The following RBFOX1 variants were observed in gnomAD, a reference collection of about 807,000 sequenced individuals.
The protein encoded by RBFOX1 is RNA binding fox-1 homolog 1, also known as RNA binding protein fox-1 homolog 1.
In RBFOX1, 8 loss-of-function variants were observed where a neutral mutation model predicts 57.7. The ratio of observed to expected loss-of-function variants is 0.14; its 90% CI spans 0.08 to 0.25. The LOEUF (loss-of-function observed/expected upper bound fraction) is 0.25, where lower values mean the gene tolerates loss of function less well. RBFOX1 is among the 10% of genes least tolerant of loss of function. RBFOX1 has a pLI of 1.00. For missense variants in RBFOX1, 611 were observed against 548.5 expected, an observed-to-expected ratio of 1.11 and a Z score of -1.14; for synonymous variants, 326 against 222.4, an observed-to-expected ratio of 1.47 and a Z score of -4.15.
Position 6,065,194 on chromosome 16 carries a change from A to AT in RBFOX1, c.-127+45221dup, listed in dbSNP as rs71404575. On this transcript the variant is annotated intron_variant, in intron 1 of 15. Coordinates refer to ENST00000550418, the MANE Select transcript of RBFOX1 (RefSeq NM_018723.4). ...AGGTGTGTGCCACCATCACCGGCTA[A>AT]TTTTTTTTTTTTTTTTTTTCTGTAG... is the stretch of plus-strand genomic sequence containing the variant. Among the ~76,000 whole-genome samples the AT allele has an allele frequency of 4.6e-3, 592 of 128,190 alleles. 5 individuals carry two copies. The highest frequency in any genetic ancestry group is 0.011 in the African/African-American group (367 of 34,866). The allele number at this position is 128,190 out of a possible 152,430, so 84.1% of individuals were successfully genotyped here. A position where few individuals can be genotyped will look rare whatever the true frequency, so the allele number is the denominator to read the frequency against.
intron 14 of RBFOX1, among the ~76,000 whole-genome samples, chr16:7,677,274 T>G (rs1200131074): frequency 6.6e-6 from 1 of 152,120 alleles, no homozygotes; most frequent in African/African-American, 2.4e-5. Context: ...CCTTTCCTTT[T>G]TACAAGGTCT....
intron 3 of RBFOX1, among the ~76,000 whole-genome samples, chr16:6,922,316 C>G (rs1002655239): frequency 2.0e-5 from 3 of 152,010 alleles, no homozygotes; most frequent in Non-Finnish European, 2.9e-5. Flanking sequence ...TTTTCAGTTC[C>G]GAGTGTCCGG....
chr16:5,625,478 C>A (rs1369943197), intron 3 of RBFOX1, among the ~76,000 whole-genome samples: 1 of 152,258 alleles, frequency 6.6e-6, no homozygotes, highest in South Asian at 2.1e-4. Context: ...CTGCACCGTT[C>A]TTCATAACCA....
At chr16:7,118,701 G>T (rs1377035570) in intron 4 of RBFOX1, among the ~76,000 whole-genome samples, 1 of 152,286 alleles carries the variant, frequency 6.6e-6, no homozygotes, top group South Asian at 2.1e-4. Flanking sequence ...ATTAGTAAAG[G>T]CGTGAATGTT....
At chr16:5,478,273 C>A (rs759837962) in intron 2 of RBFOX1, among the ~76,000 whole-genome samples, 11 of 151,728 alleles carry the variant, frequency 7.2e-5, no homozygotes, top group African/African-American at 1.2e-4. Flanking sequence ...ATTGTCCGAT[C>A]CAAGCTGCCA....
At chr16:6,337,743 T>A (rs113651583) in intron 2 of RBFOX1, among the ~76,000 whole-genome samples, 6 of 146,432 alleles carry the variant, frequency 4.1e-5, no homozygotes, top group African/African-American at 1.6e-4. Context: ...GTAAAAAAAA[T>A]AAAAGTATTA....
chr16:7,047,162 T>G (rs1014476356), intron 3 of RBFOX1, among the ~76,000 whole-genome samples: 8 of 152,134 alleles, frequency 5.3e-5, no homozygotes, highest in Non-Finnish European at 7.3e-5. Context: ...TCTTCCTTTC[T>G]TGTTGTTTGA....
At chr16:7,509,241 T>A (rs1046389093) in intron 4 of RBFOX1, among the ~76,000 whole-genome samples, 5 of 152,224 alleles carry the variant, frequency 3.3e-5, no homozygotes, top group Non-Finnish European at 7.3e-5. Context: ...ATTGCGGTCA[T>A]CTTAGTATTT....
chr16:6,831,871 A>G (rs569154470), intron 3 of RBFOX1, among the ~76,000 whole-genome samples: 6 of 152,300 alleles, frequency 3.9e-5, no homozygotes, highest in African/African-American at 1.4e-4. Context: ...TCATTTATGC[A>G]GTGAAAGAAG....
Position 5,794,361 on chromosome 16 carries a change from CATT to C in RBFOX1, c.319-72936_319-72934del, listed in dbSNP as rs1192700028. 2.6e-5 allele frequency among the ~76,000 whole-genome samples: 4 copies of C among 152,122 alleles called. No homozygotes were observed. The South Asian group carries it at 6.2e-4, about 24-fold the overall frequency. ...TTACTAATTCCTCGTCCTCTTCCAT[CATT>C]ATTATCATCATTGCCTTCATCTCAT... On this transcript the variant is annotated intron_variant, in intron 3 of 19. Transcript: ENST00000641259.
chr16:6,788,034 CCAACA>C (rs2082258432), intron 3 of RBFOX1, among the ~76,000 whole-genome samples: 1 of 152,068 alleles, frequency 6.6e-6, no homozygotes, highest in African/African-American at 2.4e-5. Flanking sequence ...ACCAGCCAGA[CCAACA>C]TGGTGAAACC....
At chr16:5,622,278 T>C (rs953181492) in intron 3 of RBFOX1, among the ~76,000 whole-genome samples, 5 of 152,194 alleles carry the variant, frequency 3.3e-5, no homozygotes, top group Non-Finnish European at 5.9e-5. Context: ...GCTTGTTATA[T>C]CTTCTGTTTG....
In RBFOX1 at chr16:5,856,230, T is replaced by TATATATACAC. The variant is rs1555547653; in HGVS notation, c.319-11066_319-11065insCACATATATA. ...ATACATATATATGTATATATATATG[T>TATATATACAC]ATATATATGTGTATATATATGTATA... On this transcript the variant is annotated intron_variant, in intron 3 of 19. Transcript: ENST00000641259. Among the ~76,000 whole-genome samples, 110 of 65,074 alleles carry TATATATACAC rather than the reference T, an allele frequency of 1.7e-3. 7 individuals are homozygous for TATATATACAC. Among genetic ancestry groups the TATATATACAC allele is most frequent in the African/African-American group, 6.5e-3 (104 of 15,938 alleles). 42.7% of individuals were successfully genotyped at this position (65,074 alleles called of 152,430 possible). A position where few individuals can be genotyped will look rare whatever the true frequency, so the allele number is the denominator to read the frequency against.
intron 4 of RBFOX1, among the ~76,000 whole-genome samples, chr16:7,151,890 G>T (rs561522421): frequency 6.6e-6 from 1 of 152,070 alleles, no homozygotes; most frequent in African/African-American, 2.4e-5. Context: ...TGCTGCTGCC[G>T]ATCTGACAGG....
chr16:7,287,161 T>C (rs577306146), intron 4 of RBFOX1, among the ~76,000 whole-genome samples: 3 of 152,226 alleles, frequency 2.0e-5, no homozygotes, highest in African/African-American at 7.2e-5. Context: ...AGAGAGAAGA[T>C]TAGTGATTCT....
chr16:7,709,928 T>C, intron 15 of RBFOX1: 3 of 1,037,032 alleles, frequency 2.9e-6, no homozygotes, highest in Non-Finnish European at 3.5e-6. Context: ...AGAATATCAG[T>C]CCTTACCCTA....
chr16:7,664,478 G>C (rs1456570325), intron 12 of RBFOX1, among the ~76,000 whole-genome samples: 1 of 152,180 alleles, frequency 6.6e-6, no homozygotes, highest in Non-Finnish European at 1.5e-5. Flanking sequence ...CCCATACTGA[G>C]AATGCTGCAA....
intron 3 of RBFOX1, among the ~76,000 whole-genome samples, chr16:6,838,196 A>G (rs1480242536): frequency 6.6e-6 from 1 of 151,588 alleles, no homozygotes; most frequent in East Asian, 1.9e-4. Flanking sequence ...AGCCCCCGAC[A>G]GGCCCCAGTG....
chr16:5,447,555 G>GC (rs1410330591), intron 1 of RBFOX1, among the ~76,000 whole-genome samples: 1 of 151,954 alleles, frequency 6.6e-6, no homozygotes, highest in Non-Finnish European at 1.5e-5. Flanking sequence ...CCGCCACCAC[G>GC]CCCCCCTAAT....
Sources: allele counts gnomAD v4.1 joint callset (sites outside exome capture counted in the v4.1 genomes callset), GRCh38; gene constraint gnomAD v4.1.1; transcripts MANE v1.5; gene names NCBI Gene and HGNC (gene_info 2026-07-23, HGNC 2026-07-21).